SKAP1: variants seen among roughly 807,000 people sequenced by gnomAD.
The protein encoded by SKAP1 is src kinase-associated phosphoprotein 1.
SKAP1 carries 44 observed loss-of-function variants against 58.5 expected under a neutral mutation model. The ratio of observed to expected loss-of-function variants is 0.75; its 90% CI spans 0.59 to 0.97. The LOEUF is 0.97. Ranked by LOEUF, SKAP1 falls within the 50% of genes least tolerant of loss-of-function variation. The probability of loss-of-function intolerance (pLI) is 0.00; values close to 1 mark genes in which losing one functional copy is unlikely to be tolerated. For missense variants in SKAP1, 390 were observed against 435.2 expected (o/e 0.90, Z 0.92); for synonymous variants, 127 against 149.7 (o/e 0.85, Z 1.11).
chr17:48,239,084 T>C (rs1353005492), intron 4 of SKAP1, among the ~76,000 whole-genome samples: 2 of 152,222 alleles, frequency 1.3e-5, no homozygotes, highest in African/African-American at 4.8e-5. Context: ...CTTCTGATTT[T>C]CTATATGAAT....
rs2063711703 is a variant in SKAP1 at position 48,137,236 on chromosome 17, T to A, written c.1080A>T (p.Ter360CysextTer45). 6.2e-7 allele frequency: 1 copy of A among 1,610,374 alleles called. No individual in the cohort carries two copies. Among genetic ancestry groups the A allele is most frequent in the Admixed American group, 1.7e-5 (1 of 59,974 alleles). Residue 360 changes from the stop codon to cysteine (C), a stop_lost, in exon 12 of 13, where the codon TGA becomes TGT. Transcript: ENST00000336915. ...TGGCCATGGTTCTGATACCTGGGTT[T>A]CATCTTTCTTCCACTTCAAAGGCAG... ...LTTAFEVEER[*>C]
intron 4 of SKAP1, among the ~76,000 whole-genome samples, chr17:48,246,857 A>T (rs1364269203): frequency 6.6e-6 from 1 of 152,208 alleles, no homozygotes; most frequent in Non-Finnish European, 1.5e-5. Context: ...GTCATCTCTC[A>T]TGTGCCTTTG....
chr17:48,308,532 A>G (rs956745711), intron 4 of SKAP1: 1 of 152,216 alleles, frequency 6.6e-6, no homozygotes, highest in Non-Finnish European at 1.5e-5. Context: ...TGGAAATATT[A>G]CATATTTCCT....
At chr17:48,343,879 G>A (rs2066688880) in intron 4 of SKAP1, among the ~76,000 whole-genome samples, 1 of 152,152 alleles carries the variant, frequency 6.6e-6, no homozygotes, top group South Asian at 2.1e-4. Flanking sequence ...ACCAGACTAT[G>A]TATGTGTAAA....
At chr17:48,367,983 T>C (rs569855807) in intron 2 of SKAP1, among the ~76,000 whole-genome samples, 3 of 152,090 alleles carry the variant, frequency 2.0e-5, no homozygotes, top group Non-Finnish European at 4.4e-5. Context: ...CAGTATGAAG[T>C]GGAATGTTAG....
chr17:48,142,005 C>A (rs1352430820), intron 11 of SKAP1, among the ~76,000 whole-genome samples: 1 of 152,134 alleles, frequency 6.6e-6, no homozygotes, highest in African/African-American at 2.4e-5. Flanking sequence ...CCTGTGCTTT[C>A]CTGGAAAAGA....
intron 4 of SKAP1, among the ~76,000 whole-genome samples, chr17:48,247,735 A>G (rs1298730782): frequency 6.6e-6 from 1 of 152,146 alleles, no homozygotes; most frequent in East Asian, 1.9e-4. Flanking sequence ...TGCAAACCGC[A>G]TACTATAGAT....
intron 4 of SKAP1, among the ~76,000 whole-genome samples, chr17:48,282,055 G>C (rs1167128923): frequency 6.6e-6 from 1 of 152,110 alleles, no homozygotes; most frequent in Non-Finnish European, 1.5e-5. Context: ...AAAGAAAACA[G>C]AAATCCCAAA....
intron 11 of SKAP1, among the ~76,000 whole-genome samples, chr17:48,139,470 C>A (rs1452314478): frequency 6.6e-6 from 1 of 151,530 alleles, no homozygotes; most frequent in Non-Finnish European, 1.5e-5. Flanking sequence ...TATGAGCCAC[C>A]GTGCCTGGCC....
chr17:48,311,015 A>G (rs2066216210), intron 4 of SKAP1, among the ~76,000 whole-genome samples: 1 of 152,116 alleles, frequency 6.6e-6, no homozygotes, highest in African/African-American at 2.4e-5. Flanking sequence ...GCCATTTTTT[A>G]TTCCCCCTTC....
At chr17:48,441,926 T>G in the SKAP1 span, among the ~76,000 whole-genome samples, 13 of 152,098 alleles carry the variant, frequency 8.5e-5, no homozygotes, top group Admixed American at 7.9e-4. Context: ...AAGGTGGAGA[T>G]TTCCCAACCT....
intron 4 of SKAP1, among the ~76,000 whole-genome samples, chr17:48,282,812 CCTT>C (rs1337640668): frequency 6.6e-6 from 1 of 152,002 alleles, no homozygotes; most frequent in African/African-American, 2.4e-5. Context: ...AAGAAACTGC[CCTT>C]TTTTTTTGGT....
chr17:48,370,440 G>A (rs889744387), intron 2 of SKAP1, among the ~76,000 whole-genome samples: 2 of 151,992 alleles, frequency 1.3e-5, no homozygotes, highest in Non-Finnish European at 1.5e-5. Flanking sequence ...CCAGTAGCTG[G>A]GAGCAGCACG....
At chr17:48,339,280 A>G (rs1428691855) in intron 4 of SKAP1, among the ~76,000 whole-genome samples, 4 of 152,242 alleles carry the variant, frequency 2.6e-5, no homozygotes, top group Non-Finnish European at 5.9e-5. Flanking sequence ...GAATAAAAAG[A>G]AAATGAGAAA....
chr17:48,389,217 T>C (rs2067315383), intron 2 of SKAP1, among the ~76,000 whole-genome samples: 1 of 152,244 alleles, frequency 6.6e-6, no homozygotes, highest in Non-Finnish European at 1.5e-5. Context: ...GTAGTACTAC[T>C]GGTTTGTAAA....
chr17:48,307,454 C>T (rs1272592873), intron 4 of SKAP1: 1 of 152,230 alleles, frequency 6.6e-6, no homozygotes, highest in Admixed American at 6.5e-5. Context: ...CAACGTGTGA[C>T]CGGCTCAGGC....
chr17:48,223,066 A>AAG (rs2065023734), intron 4 of SKAP1, among the ~76,000 whole-genome samples: 1 of 147,950 alleles, frequency 6.8e-6, no homozygotes, highest in Admixed American at 6.7e-5. Context: ...TCCGTCTCAA[A>AAG]AAAAAAAAAA....
chr17:48,333,867 C>G (rs143850380), intron 4 of SKAP1, among the ~76,000 whole-genome samples: 543 of 151,952 alleles, frequency 3.6e-3, no homozygotes, highest in Admixed American at 4.4e-3. Context: ...TTTGAGAAAG[C>G]AAACATGTAA....
At chr17:48,229,447 C>T (rs1036094523) in intron 4 of SKAP1, among the ~76,000 whole-genome samples, 5 of 151,872 alleles carry the variant, frequency 3.3e-5, no homozygotes, top group African/African-American at 1.2e-4. Flanking sequence ...ATGGTTAAAC[C>T]TCATCTCTAC....
Sources: gnomAD v4.1 joint callset for allele counts (sites outside exome capture counted in the v4.1 genomes callset) on GRCh38, gnomAD v4.1.1 for gene constraint, MANE v1.5 for transcripts, NCBI Gene and HGNC (gene_info 2026-07-23, HGNC 2026-07-21) for gene names.